The following RNF8 variants were observed in gnomAD, a reference collection of about 807,000 sequenced individuals.
The protein encoded by RNF8 is ring finger protein 8.
A neutral mutation model predicts 59.3 loss-of-function variants in RNF8; 8 were observed. That is an observed-to-expected ratio of 0.13 (90% confidence interval 0.08 to 0.24). The LOEUF (loss-of-function observed/expected upper bound fraction) is 0.24. RNF8 is among the 10% of genes least tolerant of loss of function. The pLI, the probability that RNF8 is intolerant of heterozygous loss-of-function variation, is 1.00. For synonymous variants in RNF8, 162 were observed against 200.0 expected (o/e 0.81, Z 1.60); for missense variants, 406 against 572.6 (o/e 0.71, Z 2.97).
At position 37,393,287 on chromosome 6, in the gene RNF8, CATT is replaced by C. The variant is rs1770775492; in HGVS notation, c.*2533_*2535del. The C allele has an allele frequency of 6.6e-6, 1 of 152,104 alleles. No individual in the cohort carries two copies. Among genetic ancestry groups the C allele is most frequent in the Non-Finnish European group, 1.5e-5 (1 of 68,042 alleles). 9.4% of individuals were successfully genotyped at this position (152,104 alleles called of 1,614,324 possible). Reference sequence around the variant, plus strand: ...TTCATCTCTAAGTAATTATATCTGTCATTATTGCCCTGATCACAAACAAAAGCC... The same window carrying C: ...TTCATCTCTAAGTAATTATATCTGTCATTGCCCTGATCACAAACAAAAGCC... On this transcript the variant is annotated 3_prime_UTR_variant, in exon 8 of 8. Transcript: ENST00000373479.
At chr6:37,361,556 G>A in intron 2 of RNF8, 1 of 343,816 alleles carries the variant, frequency 2.9e-6, no homozygotes. Flanking sequence ...TACAGACTAT[G>A]AGGTGAGAGA....
At position 37,368,778 on chromosome 6, in the gene RNF8, G is replaced by A. The variant is rs1302953607; in HGVS notation, c.535G>A (p.Val179Met). Residue 179 changes from valine to methionine, a missense_variant, in exon 3 of 8, where the codon GTG becomes ATG. Val to Met is a conservative substitution (Grantham distance 21). This residue lies in a region of RNF8 where 285 missense variants were observed against 342.0 expected (regional missense o/e 0.83). Coordinates refer to ENST00000373479, the MANE Select transcript of RNF8 (RefSeq NM_003958.4). ...PSNLKSKINK[V>M]SCESGQPVKS... ...AAATTTGAAATCCAAAATAAATAAA[G>A]TGTCTTGTGAATCTGGTCAGCCAGT... The A allele has an allele frequency of 1.9e-6, 3 of 1,614,190 alleles. No homozygotes were observed. Among genetic ancestry groups the A allele is most frequent in the Non-Finnish European group, 2.5e-6 (3 of 1,180,032 alleles).
At chr6:37,381,036 G>C in intron 6 of RNF8, 114 bp from the exon 7 acceptor site, 1 of 880,024 alleles carries the variant, frequency 1.1e-6, no homozygotes, top group Non-Finnish European at 1.9e-6. Context: ...TGGGATTGTT[G>C]TTAATTTTCC....
chr6:37,381,496 G>T, intron 7 of RNF8, 142 bp downstream of exon 7: 1 of 717,794 alleles, frequency 1.4e-6, no homozygotes. Flanking sequence ...AGGAGTAAAG[G>T]GAGTTAAAGA....
At chr6:37,361,409 CTCA>C (rs1562085057) in intron 2 of RNF8, 1 of 454,786 alleles carries the variant, frequency 2.2e-6, no homozygotes, top group South Asian at 1.6e-5. Context: ...AACTGCTGTG[CTCA>C]TCAACAAAGG....
rs1258992747 is a variant in RNF8, at chr6:37,374,685, G to A, written c.1104G>A (p.Lys368=). The change falls in exon 5 of 8, where the codon AAG becomes AAA. Residue 368 remains lysine, a synonymous_variant. Transcript: ENST00000373479. The part of the protein sequence containing the change: ...KKDFEAIIQA[K]NKELEQTKEE... ...ACTTTGAAGCAATCATTCAAGCCAAGAACAAAGAATTAGAGCAGACCAAGG... is the reference window on the plus strand; with the variant it reads ...ACTTTGAAGCAATCATTCAAGCCAAAAACAAAGAATTAGAGCAGACCAAGG... The A allele has an allele frequency of 6.2e-7, 1 of 1,614,056 alleles. No homozygotes were observed. The highest frequency in any genetic ancestry group is 1.1e-5 in the South Asian group (1 of 91,072).
At chr6:37,385,749 T>G (rs1415247499) in intron 7 of RNF8, among the ~76,000 whole-genome samples, 2 of 152,220 alleles carry the variant, frequency 1.3e-5, no homozygotes, top group Non-Finnish European at 2.9e-5. Context: ...CTATCACCAC[T>G]TCCCTATTCA....
intron 7 of RNF8, among the ~76,000 whole-genome samples, chr6:37,382,576 G>A (rs1176026546): frequency 6.6e-6 from 1 of 152,266 alleles, no homozygotes; most frequent in Admixed American, 6.5e-5. Flanking sequence ...TGAGTCGGGG[G>A]ACGGGGTTGG....
chr6:37,376,399 A>C lies in RNF8; in HGVS notation c.1129-527A>C, dbSNP rs116803152. Reference sequence around the variant, plus strand: ...GACCCATAAACTGCGTAGCTTAAAAACAACAGAAATTTATTTCTCACAGTA... The same window carrying C: ...GACCCATAAACTGCGTAGCTTAAAACCAACAGAAATTTATTTCTCACAGTA... On this transcript the variant is annotated intron_variant, in intron 5 of 7. Coordinates refer to ENST00000373479, the MANE Select transcript of RNF8 (RefSeq NM_003958.4). 8.4e-3 allele frequency among the ~76,000 whole-genome samples: 1,275 copies of C among 152,332 alleles called. 16 individuals are homozygous for C. The highest frequency in any genetic ancestry group is 0.025 in the African/African-American group (1,057 of 41,558).
At chr6:37,378,628 A>C (rs920978122) in intron 6 of RNF8, among the ~76,000 whole-genome samples, 14 of 151,898 alleles carry the variant, frequency 9.2e-5, no homozygotes, top group African/African-American at 3.4e-4. Context: ...AAAAAAGAAA[A>C]ACATATACAC....
intron 2 of RNF8, among the ~76,000 whole-genome samples, chr6:37,365,646 G>A (rs953901581): frequency 2.6e-5 from 4 of 152,204 alleles, no homozygotes; most frequent in Non-Finnish European, 5.9e-5. Flanking sequence ...AGCATCTAGT[G>A]AAGTAATTCC....
chr6:37,362,976 G>A (rs1016139665), intron 2 of RNF8, among the ~76,000 whole-genome samples: 19 of 152,204 alleles, frequency 1.2e-4, no homozygotes, highest in Non-Finnish European at 2.2e-4. Flanking sequence ...CAGATGGCCC[G>A]TCCTTTGTAT....
At position 37,368,558 on chromosome 6, in the gene RNF8, C is replaced by T. The variant is rs1192116131; in HGVS notation, c.315C>T (p.Tyr105=). 12 of 1,614,022 alleles carry T rather than the reference C, an allele frequency of 7.4e-6. No homozygotes were observed. Among genetic ancestry groups the T allele is most frequent in the Non-Finnish European group, 9.3e-6 (11 of 1,180,006 alleles). The stretch of plus-strand genomic sequence containing the variant: ...TCTATTCCATTCATCAGGGAGACTA[C>T]ATCCAACTTGGAGTGCCTCTGGAAA... ...LRVYSIHQGD[Y]IQLGVPLENK... The change falls in exon 3 of 8, where the codon TAC becomes TAT. Residue 105 remains tyrosine, a synonymous_variant. Coordinates refer to ENST00000373479, the MANE Select transcript of RNF8 (RefSeq NM_003958.4).
Position 37,368,749 on chromosome 6 carries a change from C to A in RNF8, c.506C>A (p.Pro169His). The A allele has an allele frequency of 8.1e-6, 13 of 1,614,072 alleles. No homozygotes were observed. Among genetic ancestry groups the A allele is most frequent in the Non-Finnish European group, 1.1e-5 (13 of 1,180,030 alleles). Residue 169 changes from proline (P) to histidine (H), a missense_variant, in exon 3 of 8, where the codon CCC becomes CAC. Physicochemically the swap from Pro to His is moderately conservative, Grantham distance 77. Around this residue, in one of 3 missense-constraint regions of RNF8, gnomAD observed 285 missense variants for 342.0 expected, o/e 0.83. Transcript: ENST00000373479. ...TTAGCAGGTCCTGGAGCTGAAGGCCCCTCAAATTTGAAATCCAAAATAAAT... is the reference window on the plus strand; with the variant it reads ...TTAGCAGGTCCTGGAGCTGAAGGCCACTCAAATTTGAAATCCAAAATAAAT... The part of the protein sequence containing the change: ...DELAGPGAEG[P>H]SNLKSKINKV...
intron 4 of RNF8, 57 bp downstream of exon 4, chr6:37,371,631 C>A: frequency 2.8e-6 from 4 of 1,405,938 alleles, no homozygotes; most frequent in Non-Finnish European, 4.0e-6. Context: ...AGCAAACAGG[C>A]ATCACATGAC....
intron 7 of RNF8, among the ~76,000 whole-genome samples, chr6:37,382,770 G>A: frequency 6.6e-6 from 1 of 152,168 alleles, no homozygotes; most frequent in East Asian, 1.9e-4. Context: ...ACGAAGTCAG[G>A]AGTTCGAGAC....
intron 2 of RNF8, among the ~76,000 whole-genome samples, chr6:37,364,134 A>G (rs577856555): frequency 1.1e-4 from 15 of 142,316 alleles, no homozygotes; most frequent in African/African-American, 3.5e-4. Context: ...AGCCGAGATC[A>G]GGCCATTGCA....
chr6:37,372,141 A>AT (rs1261181036), intron 4 of RNF8, among the ~76,000 whole-genome samples: 2 of 152,134 alleles, frequency 1.3e-5, no homozygotes, highest in East Asian at 1.9e-4. Flanking sequence ...TCATTTGATT[A>AT]TTTTTTTGTG....
In RNF8 at chr6:37,392,535, G is replaced by A. The variant is rs1309779177; in HGVS notation, c.*1777G>A. On this transcript the variant is annotated 3_prime_UTR_variant, in exon 8 of 8. Transcript: ENST00000373479. ...TCTGTCTATACAAGCAAAAACACAT[G>A]TGGTCTTTTTCCTTGCTTTGCACAA... is the stretch of plus-strand genomic sequence containing the variant. 1 of 398,472 alleles carries A rather than the reference G, an allele frequency of 2.5e-6. No homozygotes were observed. Among genetic ancestry groups the A allele is most frequent in the African/African-American group, 2.1e-5 (1 of 48,628 alleles). 24.7% of individuals were successfully genotyped at this position (398,472 alleles called of 1,614,324 possible). A position where few individuals can be genotyped will look rare whatever the true frequency, so the allele number is the denominator to read the frequency against.
Sources: gnomAD v4.1 joint callset for allele counts (sites outside exome capture counted in the v4.1 genomes callset) on GRCh38, gnomAD v4.1.1 for gene constraint, gnomAD v4.1.1 regional missense constraint, MANE v1.5 for transcripts, NCBI Gene and HGNC (gene_info 2026-07-23, HGNC 2026-07-21) for gene names.